The following DNAI1 variants were observed in gnomAD, a reference collection of about 807,000 sequenced individuals.
The protein encoded by DNAI1 is dynein, axonemal, intermediate polypeptide 1.
In DNAI1, 67 loss-of-function variants were observed where a neutral mutation model predicts 92.0. The observed-to-expected ratio is 0.73, with a 90% CI of 0.60 to 0.89. DNAI1 has a LOEUF of 0.89. Ranked by LOEUF, DNAI1 falls within the 40% of genes least tolerant of loss-of-function variation. The probability of loss-of-function intolerance (pLI) is 0.00; values close to 1 mark genes in which losing one functional copy is unlikely to be tolerated. For missense variants in DNAI1, 839 were observed against 866.6 expected, an observed-to-expected ratio of 0.97 and a Z score of 0.40; for synonymous variants, 323 against 319.6, an observed-to-expected ratio of 1.01 and a Z score of -0.11.
chr9:34,476,795 C>T (rs1160096750), intron 1 of DNAI1, among the ~76,000 whole-genome samples: 1 of 152,198 alleles, frequency 6.6e-6, no homozygotes, highest in Non-Finnish European at 1.5e-5. Flanking sequence ...CCTTCTAAAT[C>T]AGCCACTATC....
At chr9:34,470,906 A>T (rs961489104) in intron 1 of DNAI1, among the ~76,000 whole-genome samples, 1 of 152,240 alleles carries the variant, frequency 6.6e-6, no homozygotes, top group South Asian at 2.1e-4. Context: ...TCCTTGCCAA[A>T]AAAGAATCTC....
At chr9:34,512,596 TAG>T (rs933096677) in intron 15 of DNAI1, among the ~76,000 whole-genome samples, 172 bp downstream of exon 15, 1 of 152,190 alleles carries the variant, frequency 6.6e-6, no homozygotes, top group African/African-American at 2.4e-5. Context: ...TGGCTGTTTG[TAG>T]ACCCTCCCTG....
intron 2 of DNAI1, chr9:34,484,901 A>G (rs773479115): frequency 4.6e-5 from 22 of 475,424 alleles, no homozygotes; most frequent in Non-Finnish European, 8.5e-5. Flanking sequence ...CTACCACAAC[A>G]TTCCAAGTTC....
At chr9:34,489,526 C>T (rs1028077547) in intron 5 of DNAI1, 77 bp downstream of exon 5, 1 of 1,558,064 alleles carries the variant, frequency 6.4e-7, no homozygotes, top group Non-Finnish European at 8.8e-7. Context: ...GAGTATACCT[C>T]TAAGCCAGAA....
At chr9:34,471,322 G>C (rs1050386443) in intron 1 of DNAI1, among the ~76,000 whole-genome samples, 3 of 151,954 alleles carry the variant, frequency 2.0e-5, no homozygotes, top group African/African-American at 4.8e-5. Flanking sequence ...CTACTTGAGA[G>C]GCTGAGGTGG....
chr9:34,480,564 G>A (rs1824332569), intron 1 of DNAI1, among the ~76,000 whole-genome samples: 1 of 152,026 alleles, frequency 6.6e-6, no homozygotes, highest in African/African-American at 2.4e-5. Flanking sequence ...ACCGCGCCTG[G>A]CCAACTTTGT....
At chr9:34,514,337 G>C in intron 16 of DNAI1, 57 bp from the exon 17 acceptor site, 1 of 1,601,540 alleles carries the variant, frequency 6.2e-7, no homozygotes, top group Non-Finnish European at 8.5e-7. Flanking sequence ...GACCCCCAGG[G>C]AAGTGGTGGC....
rs146807277 is a variant in DNAI1 at position 34,493,007 on chromosome 9, T to C, written c.682-187T>C. Among the ~76,000 whole-genome samples the C allele has an allele frequency of 2.9e-3, 448 of 152,254 alleles. 2 individuals carry two copies. The highest frequency in any genetic ancestry group is 4.7e-3 in the Non-Finnish European group (318 of 68,008). On this transcript the variant is annotated intron_variant, in intron 8 of 19. Transcript: ENST00000242317. ...CAGCCCAGAGATGTCCTTAGAACTC[T>C]TTCATTCTTGTTCCAGAGCTGATAG...
chr9:34,513,218 A>G lies in DNAI1; in HGVS notation c.1569+27A>G, dbSNP rs1325050683. Reference sequence around the variant, plus strand: ...TGAGGCTGCCCTGTGCCAGCTCCTTAGAAGGCCGCTTAGACCTGAGCACCT... The same window carrying G: ...TGAGGCTGCCCTGTGCCAGCTCCTTGGAAGGCCGCTTAGACCTGAGCACCT... On this transcript the variant is annotated intron_variant, in intron 16 of 19. Transcript: ENST00000242317. 29 of 1,590,498 alleles carry G rather than the reference A, an allele frequency of 1.8e-5. 1 individual carries two copies. In the Middle Eastern group the frequency reaches 6.6e-4, roughly 36 times the overall value.
At position 34,501,142 on chromosome 9, in the gene DNAI1, C is replaced by T; in HGVS notation, c.1024C>T (p.Pro342Ser). The change falls in exon 12 of 20, where the codon CCA becomes TCA. Residue 342 changes from proline (P) to serine (S), a missense_variant. Physicochemically the swap from Pro to Ser is moderately conservative, Grantham distance 74. Coordinates refer to ENST00000242317, the MANE Select transcript of DNAI1 (RefSeq NM_012144.4). ...RLSVTALCWN[P>S]KYRDLFAVGY... ...GATTCATATTTTTTTTTGCAGGAAT[C>T]CAAAGTACAGGGATCTGTTTGCAGT... The T allele has an allele frequency of 6.2e-7, 1 of 1,613,344 alleles. No individual in the cohort carries two copies. Among genetic ancestry groups the T allele is most frequent in the Non-Finnish European group, 8.5e-7 (1 of 1,179,308 alleles).
chr9:34,458,855 G>A lies in DNAI1; in HGVS notation c.-151G>A, dbSNP rs889707507. On this transcript the variant is annotated 5_prime_UTR_variant, in exon 1 of 20. Coordinates refer to ENST00000242317, the MANE Select transcript of DNAI1 (RefSeq NM_012144.4). The surrounding 1 kb of genome is among the most constrained non-coding windows in gnomAD (Gnocchi z 6.6). ...GTTGGATTCTATCCTGCAAGGGCAC[G>A]GGGACCCACAACGACGGCTGTCCCT... is the stretch of plus-strand genomic sequence containing the variant. 4 of 730,152 alleles carry A rather than the reference G, an allele frequency of 5.5e-6. No individual in the cohort carries two copies. The highest frequency in any genetic ancestry group is 3.5e-5 in the African/African-American group (2 of 57,606). 45.2% of individuals were successfully genotyped at this position (730,152 alleles called of 1,614,324 possible). A position where few individuals can be genotyped will look rare whatever the true frequency, so the allele number is the denominator to read the frequency against.
intron 13 of DNAI1, among the ~76,000 whole-genome samples, chr9:34,508,829 G>A (rs1824998926): frequency 6.6e-6 from 1 of 152,234 alleles, no homozygotes; most frequent in African/African-American, 2.4e-5. Flanking sequence ...GAAGCCTTCT[G>A]CTCTCCTATC....
chr9:34,480,839 GGGA>G (rs1360098495), intron 1 of DNAI1, among the ~76,000 whole-genome samples: 1 of 152,172 alleles, frequency 6.6e-6, no homozygotes, highest in African/African-American at 2.4e-5. Flanking sequence ...CCAGCTTCTT[GGGA>G]GGCTGAGGCA....
chr9:34,487,982 A>G (rs1290858483), intron 4 of DNAI1: 1 of 297,462 alleles, frequency 3.4e-6, no homozygotes, highest in African/African-American at 2.3e-5. Flanking sequence ...TAAACTGAAG[A>G]GGAAGATCCC....
At chr9:34,486,093 C>CAA (rs1159403368) in intron 4 of DNAI1, among the ~76,000 whole-genome samples, 1 of 152,098 alleles carries the variant, frequency 6.6e-6, no homozygotes, top group East Asian at 1.9e-4. Flanking sequence ...ATATAGGGGA[C>CAA]AATACTCTTT....
At chr9:34,463,868 T>C (rs1823991886) in intron 1 of DNAI1, among the ~76,000 whole-genome samples, 1 of 152,106 alleles carries the variant, frequency 6.6e-6, no homozygotes, top group South Asian at 2.1e-4. Flanking sequence ...AAGAGAGTCT[T>C]GGATGATTCA....
At chr9:34,497,672 G>A (rs1824752935) in intron 10 of DNAI1, among the ~76,000 whole-genome samples, 1 of 152,216 alleles carries the variant, frequency 6.6e-6, no homozygotes, top group Non-Finnish European at 1.5e-5. Flanking sequence ...AACCACTCTG[G>A]GGATCCTCAC....
rs373258405 is a variant in DNAI1 at position 34,483,547 on chromosome 9, A to G, written c.81+67A>G. On this transcript the variant is annotated intron_variant, in intron 2 of 19. Coordinates refer to ENST00000242317, the MANE Select transcript of DNAI1 (RefSeq NM_012144.4). ...TAGTGTTTTTTTTGTTGAAAATATTATTTATGTGTTTTTAGAAAATGCAAA... is the reference window on the plus strand; with the variant it reads ...TAGTGTTTTTTTTGTTGAAAATATTGTTTATGTGTTTTTAGAAAATGCAAA... The G allele has an allele frequency of 3.9e-5, 58 of 1,472,636 alleles. No homozygotes were observed. In the African/African-American group the frequency reaches 6.6e-4, roughly 17 times the overall value. 91.2% of individuals were successfully genotyped at this position (1,472,636 alleles called of 1,614,324 possible).
intron 10 of DNAI1, among the ~76,000 whole-genome samples, chr9:34,499,961 G>A (rs1824794266): frequency 6.6e-6 from 1 of 152,222 alleles, no homozygotes; most frequent in African/African-American, 2.4e-5. Flanking sequence ...AGGAGTTACT[G>A]GAGGTAGGAG....
Sources: allele counts gnomAD v4.1 joint callset (sites outside exome capture counted in the v4.1 genomes callset), GRCh38; gene constraint gnomAD v4.1.1; non-coding constraint Gnocchi (gnomAD v3.1); transcripts MANE v1.5; gene names NCBI Gene and HGNC (gene_info 2026-07-23, HGNC 2026-07-21).